TSHZ3: variants seen among roughly 807,000 people sequenced by gnomAD.
TSHZ3 encodes the protein teashirt zinc finger homeobox 3.
A neutral mutation model predicts 64.5 loss-of-function variants in TSHZ3; 10 were observed. The observed-to-expected ratio is 0.16, with a 90% CI of 0.10 to 0.26. TSHZ3 has a LOEUF of 0.26. Ranked by LOEUF, TSHZ3 falls within the 10% of genes least tolerant of loss-of-function variation. The probability of loss-of-function intolerance (pLI) is 1.00; values close to 1 mark genes in which losing one functional copy is unlikely to be tolerated. For missense variants in TSHZ3, 1,242 were observed against 1,421.7 expected, an observed-to-expected ratio of 0.87 and a Z score of 2.03; for synonymous variants, 608 against 593.1, an observed-to-expected ratio of 1.03 and a Z score of -0.36.
At chr19:31,294,622 A>C (rs2145133994) in intron 1 of TSHZ3, among the ~76,000 whole-genome samples, 1 of 152,372 alleles carries the variant, frequency 6.6e-6, no homozygotes, top group South Asian at 2.1e-4. Context: ...TGACTGACAT[A>C]TACATGCCTA....
intron 5 of TSHZ3, among the ~76,000 whole-genome samples, chr19:31,201,676 C>T (rs1034951848): frequency 1.2e-4 from 19 of 152,182 alleles, no homozygotes; most frequent in Admixed American, 1.2e-3. Context: ...GTGGCCGCCA[C>T]TGTATTCATT....
downstream of TSHZ3, among the ~76,000 whole-genome samples, chr19:31,271,613 C>T (rs753426805): frequency 1.3e-4 from 20 of 152,126 alleles, no homozygotes; most frequent in African/African-American, 3.4e-4. Flanking sequence ...TTGCAGAGGC[C>T]GGTGAGCCCT....
rs1457943593 is a variant in TSHZ3 at position 31,152,075 on chromosome 19, TC to T, written n.872-332del. ...GGCTTTGTAGAGACAAAGAGTCAAT[TC>T]TCCCTGTAAATTTCTCACTAGACAG... On this transcript the variant is annotated intron_variant and non_coding_transcript_variant, in intron 6 of 6. Coordinates refer to the TSHZ3 transcript ENST00000651361. 2.6e-5 allele frequency among the ~76,000 whole-genome samples: 4 copies of T among 151,930 alleles called. No individual in the cohort carries two copies. The East Asian group carries it at 7.8e-4, about 30-fold the overall frequency.
intron 5 of TSHZ3, among the ~76,000 whole-genome samples, chr19:31,173,502 T>C (rs956793338): frequency 6.6e-6 from 1 of 152,248 alleles, no homozygotes; most frequent in African/African-American, 2.4e-5. Context: ...GTGAGGAATA[T>C]GCTCAGATGA....
intron 1 of TSHZ3, among the ~76,000 whole-genome samples, chr19:31,322,129 T>A (rs1685315749): frequency 6.6e-6 from 1 of 152,134 alleles, no homozygotes; most frequent in Non-Finnish European, 1.5e-5. Context: ...TGGTTTTATG[T>A]TTGTTTGTTT....
At chr19:31,197,951 G>A (rs1433034051) in intron 5 of TSHZ3, among the ~76,000 whole-genome samples, 1 of 151,954 alleles carries the variant, frequency 6.6e-6, no homozygotes, top group Admixed American at 6.6e-5. Flanking sequence ...ATTCTGAGCA[G>A]CCCGCATTAC....
chr19:31,234,855 G>C (rs1975585066), intron 3 of TSHZ3, among the ~76,000 whole-genome samples: 2 of 152,122 alleles, frequency 1.3e-5, no homozygotes, highest in Admixed American at 1.3e-4. Context: ...TTTGATATCA[G>C]GATTGTGCTA....
chr19:31,224,573 G>A (rs1975434411), intron 4 of TSHZ3, among the ~76,000 whole-genome samples: 1 of 152,168 alleles, frequency 6.6e-6, no homozygotes, highest in African/African-American at 2.4e-5. Flanking sequence ...CTATGTGGAT[G>A]GCACAGGACC....
chr19:31,317,906 C>T (rs551001484), intron 1 of TSHZ3, among the ~76,000 whole-genome samples: 2 of 152,330 alleles, frequency 1.3e-5, no homozygotes, highest in African/African-American at 4.8e-5. Flanking sequence ...AAGGGCCCAG[C>T]CGTATTGACT....
chr19:31,236,151 G>C (rs1414767404), intron 3 of TSHZ3, among the ~76,000 whole-genome samples: 1 of 152,160 alleles, frequency 6.6e-6, no homozygotes. Flanking sequence ...AAGTGAGACA[G>C]CTAGGTCATG....
intron 1 of TSHZ3, among the ~76,000 whole-genome samples, chr19:31,259,278 A>G (rs1477831938): frequency 6.6e-6 from 1 of 152,184 alleles, no homozygotes; most frequent in Non-Finnish European, 1.5e-5. Context: ...TTTTGGGTCG[A>G]CTAAATTTTT....
At chr19:31,253,320 G>T (rs1975865549) in intron 1 of TSHZ3, among the ~76,000 whole-genome samples, 3 of 152,092 alleles carry the variant, frequency 2.0e-5, no homozygotes, top group Non-Finnish European at 4.4e-5. Context: ...AGAGAAAAAT[G>T]CAGCAAATGG....
chr19:31,234,161 G>T (rs2145178023), intron 3 of TSHZ3, among the ~76,000 whole-genome samples: 1 of 152,116 alleles, frequency 6.6e-6, no homozygotes, highest in East Asian at 1.9e-4. Context: ...TTCTCATTTT[G>T]AAATTTTATT....
chr19:31,272,926 C>T (rs1192310124), downstream of TSHZ3, among the ~76,000 whole-genome samples: 1 of 152,170 alleles, frequency 6.6e-6, no homozygotes, highest in East Asian at 1.9e-4. Flanking sequence ...CATTTAAAGG[C>T]CTGACTTGGG....
At chr19:31,205,064 G>C (rs952706432) in exon 5 of TSHZ3, 4 of 152,190 alleles carry the variant, frequency 2.6e-5, no homozygotes, top group African/African-American at 9.7e-5. Flanking sequence ...ATCCTTCCTG[G>C]ACTCTAGTTG....
At chr19:31,253,156 G>A (rs559477634) in intron 1 of TSHZ3, among the ~76,000 whole-genome samples, 15 of 152,120 alleles carry the variant, frequency 9.9e-5, no homozygotes, top group Admixed American at 2.0e-4. Context: ...AGGTATCCTC[G>A]TGCAAATCCC....
chr19:31,244,597 T>C (rs1459079064), intron 1 of TSHZ3, among the ~76,000 whole-genome samples: 1 of 152,214 alleles, frequency 6.6e-6, no homozygotes, highest in Non-Finnish European at 1.5e-5. Flanking sequence ...ATTGCCCAAA[T>C]TGTGATTTAT....
chr19:31,346,412 G>T (rs1469370433), intron 1 of TSHZ3, among the ~76,000 whole-genome samples: 1 of 152,202 alleles, frequency 6.6e-6, no homozygotes, highest in East Asian at 1.9e-4. Flanking sequence ...ACCTAATTCT[G>T]CTGGATGACA....
At chr19:31,230,626 A>G (rs769081503) in intron 3 of TSHZ3, among the ~76,000 whole-genome samples, 3 of 150,152 alleles carry the variant, frequency 2.0e-5, no homozygotes, top group Non-Finnish European at 4.4e-5. Flanking sequence ...GGAGAAGACA[A>G]CCCACCTCTC....
Sources: gnomAD v4.1 joint callset for allele counts (sites outside exome capture counted in the v4.1 genomes callset) on GRCh38, gnomAD v4.1.1 for gene constraint, MANE v1.5 for transcripts, NCBI Gene and HGNC (gene_info 2026-07-23, HGNC 2026-07-21) for gene names.